The following GRIN3A variants were observed in gnomAD, a reference collection of about 807,000 sequenced individuals.
The protein encoded by GRIN3A is glutamate receptor ionotropic, NMDA 3A.
A neutral mutation model predicts 92.4 loss-of-function variants in GRIN3A; 47 were observed. That is an observed-to-expected ratio of 0.51 (90% confidence interval 0.40 to 0.65). The LOEUF (loss-of-function observed/expected upper bound fraction) is 0.65, where lower values mean the gene tolerates loss of function less well. Among genes scored for constraint, GRIN3A ranks in the 30% least tolerant of loss-of-function variants. The pLI is 0.00. For missense variants in GRIN3A, 1,324 were observed against 1,393.1 expected (o/e 0.95, Z 0.79); for synonymous variants, 527 against 540.6 (o/e 0.97, Z 0.35).
intron 1 of GRIN3A, among the ~76,000 whole-genome samples, chr9:101,725,205 A>G (rs1302627452): frequency 6.6e-6 from 1 of 152,248 alleles, no homozygotes; most frequent in Non-Finnish European, 1.5e-5. Context: ...TTTTTGAGCA[A>G]GGGAATGGCA....
intron 1 of GRIN3A, among the ~76,000 whole-genome samples, chr9:101,727,968 C>T (rs567058627): frequency 1.7e-4 from 26 of 151,720 alleles, no homozygotes; most frequent in African/African-American, 4.1e-4. Flanking sequence ...CTCAAATTAA[C>T]TCCTCCTGTA....
intron 1 of GRIN3A, among the ~76,000 whole-genome samples, chr9:101,690,932 C>A (rs1829608252): frequency 6.6e-6 from 1 of 151,706 alleles, no homozygotes; most frequent in Non-Finnish European, 1.5e-5. Context: ...ATGTTCCAGG[C>A]CATTAAAGAG....
At position 101,737,665 on chromosome 9, in the gene GRIN3A, C is replaced by T. The variant is rs1382649719; in HGVS notation, c.315G>A (p.Arg105=). 5 of 1,596,032 alleles carry T rather than the reference C, an allele frequency of 3.1e-6. No homozygotes were observed. The highest frequency in any genetic ancestry group is 4.3e-6 in the Non-Finnish European group (5 of 1,173,892). ...CGGGCTTACGGGAGCCCGGCGGCCC[C>T]CGGCCATGCAGGGTGCTCCCCAACC... ...ARWLGSTLHG[R]GPPGSRKPGE... The change falls in exon 1 of 9, where the codon CGG becomes CGA. Residue 105 remains arginine, a synonymous_variant. Transcript: ENST00000361820.
At chr9:101,682,685 T>A (rs1829473157) in intron 2 of GRIN3A, among the ~76,000 whole-genome samples, 1 of 152,140 alleles carries the variant, frequency 6.6e-6, no homozygotes, top group Non-Finnish European at 1.5e-5. Flanking sequence ...AACTAACATT[T>A]AAAAAAACAA....
intron 1 of GRIN3A, among the ~76,000 whole-genome samples, chr9:101,724,571 G>A (rs548309952): frequency 1.3e-5 from 2 of 152,322 alleles, no homozygotes; most frequent in Admixed American, 6.5e-5. Flanking sequence ...GCAGCGGTGG[G>A]CTGCAGGGCT....
intron 6 of GRIN3A, among the ~76,000 whole-genome samples, chr9:101,586,001 A>G (rs1827946568): frequency 6.6e-6 from 1 of 152,150 alleles, no homozygotes; most frequent in Admixed American, 6.6e-5. Context: ...TCTATTGAGC[A>G]ACTTGCCACT....
chr9:101,643,683 TCA>T (rs59986768), intron 3 of GRIN3A, among the ~76,000 whole-genome samples: 13 of 142,810 alleles, frequency 9.1e-5, no homozygotes, highest in Non-Finnish European at 1.4e-4. Context: ...TCTCTCTCTC[TCA>T]CACACACACA....
intron 6 of GRIN3A, among the ~76,000 whole-genome samples, chr9:101,598,035 A>T (rs1412598124): frequency 6.6e-6 from 1 of 152,202 alleles, no homozygotes; most frequent in Admixed American, 6.5e-5. Flanking sequence ...GTATGTGGGG[A>T]TAAAGTAGAT....
intron 3 of GRIN3A, among the ~76,000 whole-genome samples, chr9:101,662,129 A>G (rs1185059890): frequency 1.1e-4 from 17 of 151,898 alleles, no homozygotes; most frequent in Admixed American, 1.1e-3. Context: ...AACAGAGTGA[A>G]CTAAGAAAGA....
chr9:101,692,949 A>T (rs553637687), intron 1 of GRIN3A, among the ~76,000 whole-genome samples: 7 of 152,168 alleles, frequency 4.6e-5, no homozygotes, highest in Non-Finnish European at 1.0e-4. Context: ...ACAAATGAAG[A>T]GCTAATACCT....
intron 1 of GRIN3A, among the ~76,000 whole-genome samples, chr9:101,704,790 TTTTAA>T (rs113792161): frequency 6.6e-6 from 1 of 152,226 alleles, no homozygotes; most frequent in African/African-American, 2.4e-5. Context: ...TTGAATGCAT[TTTTAA>T]TTTAATTTAA....
At chr9:101,699,159 T>C (rs1440159254) in intron 1 of GRIN3A, among the ~76,000 whole-genome samples, 1 of 152,216 alleles carries the variant, frequency 6.6e-6, no homozygotes, top group African/African-American at 2.4e-5. Flanking sequence ...TTTGTTTTTA[T>C]TTTTTAAAAC....
At chr9:101,642,357 C>G (rs140053416) in intron 3 of GRIN3A, among the ~76,000 whole-genome samples, 2,480 of 152,106 alleles carry the variant, frequency 0.016, 77 homozygotes, top group African/African-American at 0.056. Flanking sequence ...AATGTAAGAC[C>G]TGAAAACATA....
intron 1 of GRIN3A, among the ~76,000 whole-genome samples, chr9:101,697,159 A>G (rs1337683): frequency 0.92 from 140,759 of 152,214 alleles, 65,401 homozygotes; most frequent in Middle Eastern, 0.97. Context: ...GTATTAGTAT[A>G]ACATTAAGCA....
chr9:101,666,092 C>G (rs763237723), intron 3 of GRIN3A, among the ~76,000 whole-genome samples: 1 of 151,854 alleles, frequency 6.6e-6, no homozygotes, highest in Non-Finnish European at 1.5e-5. Context: ...TCTTTCACCT[C>G]GTCTCTCCAC....
intron 6 of GRIN3A, among the ~76,000 whole-genome samples, chr9:101,585,584 A>C (rs1282076836): frequency 6.6e-6 from 1 of 152,176 alleles, no homozygotes; most frequent in Non-Finnish European, 1.5e-5. Flanking sequence ...ACAGGGAAAA[A>C]AACCTTAGAA....
At chr9:101,611,259 T>C (rs1248930992) in intron 6 of GRIN3A, among the ~76,000 whole-genome samples, 1 of 152,170 alleles carries the variant, frequency 6.6e-6, no homozygotes, top group East Asian at 1.9e-4. Flanking sequence ...CTTCTGAGGA[T>C]TGCTGGCAAT....
chr9:101,641,210 T>C (rs1456123148), intron 3 of GRIN3A, among the ~76,000 whole-genome samples: 3 of 152,210 alleles, frequency 2.0e-5, no homozygotes, highest in East Asian at 3.9e-4. Context: ...AGTTCAACCA[T>C]TGTGGAAGTC....
intron 6 of GRIN3A, chr9:101,594,604 G>C (rs555766318): frequency 1.7e-5 from 28 of 1,614,106 alleles, no homozygotes; most frequent in Non-Finnish European, 2.4e-5. Context: ...CGTTGGAAAT[G>C]TAGCCATCTT....
Sources: allele counts gnomAD v4.1 joint callset (sites outside exome capture counted in the v4.1 genomes callset), GRCh38; gene constraint gnomAD v4.1.1; transcripts MANE v1.5; gene names NCBI Gene and HGNC (gene_info 2026-07-23, HGNC 2026-07-21).